The following DUSP29 variants were observed in gnomAD, a reference collection of about 807,000 sequenced individuals.
The protein encoded by DUSP29 is dual specificity phosphatase 29, also known as atypical dual-specific protein phosphatase.
Under a neutral mutation model 13.5 loss-of-function variants are expected in DUSP29, and 12 were observed. That is an observed-to-expected ratio of 0.89 (90% confidence interval 0.57 to 1.44). The LOEUF is 1.44. DUSP29 is among the 40% of genes most tolerant of loss of function. DUSP29 has a pLI of 0.00. For missense variants in DUSP29, 308 were observed against 301.1 expected (o/e 1.02, Z -0.17); for synonymous variants, 134 against 128.7 (o/e 1.04, Z -0.28).
At chr10:75,070,141 A>G (rs981151312) in intron 1 of DUSP29, among the ~76,000 whole-genome samples, 1 of 150,380 alleles carries the variant, frequency 6.6e-6, no homozygotes, top group African/African-American at 2.5e-5. Flanking sequence ...AAGGAAGGAA[A>G]AGAAAGAAAC....
At chr10:75,071,726 G>A (rs1847331480) in intron 1 of DUSP29, among the ~76,000 whole-genome samples, 1 of 152,162 alleles carries the variant, frequency 6.6e-6, no homozygotes, top group African/African-American at 2.4e-5. Flanking sequence ...CCTGGCCAGG[G>A]CTCCACCTCC....
At chr10:75,068,049 A>G (rs1200160362) in intron 1 of DUSP29, among the ~76,000 whole-genome samples, 1 of 152,066 alleles carries the variant, frequency 6.6e-6, no homozygotes, top group Non-Finnish European at 1.5e-5. Context: ...CTGACCTCAA[A>G]TGATCCACCC....
At chr10:75,069,036 C>A (rs1481503580) in intron 1 of DUSP29, among the ~76,000 whole-genome samples, 1 of 151,846 alleles carries the variant, frequency 6.6e-6, no homozygotes, top group African/African-American at 2.4e-5. Context: ...ATATAAAATC[C>A]TTTTATTAAA....
chr10:75,056,478 A>C (rs909037880), intron 2 of DUSP29, among the ~76,000 whole-genome samples: 1 of 151,108 alleles, frequency 6.6e-6, no homozygotes, highest in South Asian at 2.1e-4. Context: ...CAGTGAGCCG[A>C]GATTGCGCCA....
intron 1 of DUSP29, among the ~76,000 whole-genome samples, chr10:75,071,421 C>G (rs1232290028): frequency 1.3e-5 from 2 of 152,300 alleles, no homozygotes; most frequent in Non-Finnish European, 2.9e-5. Context: ...CTGGAAGATG[C>G]TCACAGCCCA....
chr10:75,059,363 TAAA>T (rs1847038122), intron 1 of DUSP29, among the ~76,000 whole-genome samples: 1 of 152,074 alleles, frequency 6.6e-6, no homozygotes, highest in East Asian at 1.9e-4. Context: ...CTGAGCTGAG[TAAA>T]TGATGCACCT....
At chr10:75,071,364 C>A (rs1291943081) in intron 1 of DUSP29, among the ~76,000 whole-genome samples, 1 of 152,200 alleles carries the variant, frequency 6.6e-6, no homozygotes, top group African/African-American at 2.4e-5. Context: ...TTGGTGGAGG[C>A]TGCTCACCCC....
At chr10:75,048,857 A>C (rs2134287595) in intron 2 of DUSP29, among the ~76,000 whole-genome samples, 1 of 152,316 alleles carries the variant, frequency 6.6e-6, no homozygotes, top group Non-Finnish European at 1.5e-5. Context: ...CACCTGAGAA[A>C]ACATAGGGCT....
chr10:75,063,002 C>T (rs924643308), intron 1 of DUSP29, among the ~76,000 whole-genome samples: 1 of 152,146 alleles, frequency 6.6e-6, no homozygotes, highest in Non-Finnish European at 1.5e-5. Flanking sequence ...AGGTGACAAA[C>T]TCAGGCTCCT....
intron 1 of DUSP29, among the ~76,000 whole-genome samples, chr10:75,058,843 C>G (rs529486794): frequency 5.9e-5 from 9 of 152,356 alleles, no homozygotes; most frequent in Middle Eastern, 3.4e-3. Context: ...CCAGTTCCTT[C>G]CCACCTTTCT....
intron 1 of DUSP29, among the ~76,000 whole-genome samples, chr10:75,071,916 C>T (rs72803492): frequency 0.08 from 12,215 of 152,252 alleles, 1,117 homozygotes; most frequent in African/African-American, 0.23. Flanking sequence ...AAAAGCGCGC[C>T]GGCAGAAGAT....
intron 3 of DUSP29, among the ~76,000 whole-genome samples, chr10:75,041,918 G>A (rs1846593132): frequency 6.6e-6 from 1 of 152,220 alleles, no homozygotes; most frequent in Non-Finnish European, 1.5e-5. Context: ...ATTTGGCAGT[G>A]GGGGCAGACC....
chr10:75,053,729 T>C (rs897063275), intron 2 of DUSP29, among the ~76,000 whole-genome samples: 7 of 152,166 alleles, frequency 4.6e-5, no homozygotes, highest in African/African-American at 1.4e-4. Flanking sequence ...GTATAAATTT[T>C]ACCCCTTTCT....
intron 3 of DUSP29, among the ~76,000 whole-genome samples, chr10:75,040,237 C>T (rs547012765): frequency 2.4e-4 from 37 of 152,266 alleles, no homozygotes. Context: ...ATTAGAAGCA[C>T]CAGAGAATCA....
At chr10:75,047,556 A>G (rs771736723) in intron 2 of DUSP29, among the ~76,000 whole-genome samples, 1 of 152,232 alleles carries the variant, frequency 6.6e-6, no homozygotes, top group Non-Finnish European at 1.5e-5. Context: ...GCATGGAGAA[A>G]AGGCCGTGTG....
At chr10:75,047,954 C>T (rs371594920) in intron 2 of DUSP29, among the ~76,000 whole-genome samples, 1 of 152,052 alleles carries the variant, frequency 6.6e-6, no homozygotes, top group Admixed American at 6.5e-5. Context: ...AAACCTTTGA[C>T]GTGATATATT....
At chr10:75,055,016 A>T (rs1245836671) in intron 2 of DUSP29, among the ~76,000 whole-genome samples, 2 of 152,042 alleles carry the variant, frequency 1.3e-5, no homozygotes, top group African/African-American at 4.8e-5. Flanking sequence ...ATTTTTAAAA[A>T]TTTTTGGTAG....
intron 3 of DUSP29, among the ~76,000 whole-genome samples, chr10:75,041,040 G>C (rs1846570240): frequency 6.6e-6 from 1 of 152,196 alleles, no homozygotes; most frequent in Non-Finnish European, 1.5e-5. Flanking sequence ...ACATAGACAA[G>C]AGGAAGCAAG....
At chr10:75,046,874 T>A (rs1172777985) in intron 2 of DUSP29, among the ~76,000 whole-genome samples, 2 of 152,192 alleles carry the variant, frequency 1.3e-5, no homozygotes, top group Non-Finnish European at 2.9e-5. Flanking sequence ...GAGGTTGAGC[T>A]CAGTGGAAAA....
Sources: allele counts gnomAD v4.1 joint callset (sites outside exome capture counted in the v4.1 genomes callset), GRCh38; gene constraint gnomAD v4.1.1; transcripts MANE v1.5; gene names NCBI Gene and HGNC (gene_info 2026-07-23, HGNC 2026-07-21).